Variants in CHD5 observed in about 807,000 individuals in gnomAD.
CHD5 encodes ATP-dependent chromatin remodeler CHD5.
A neutral mutation model predicts 230.3 loss-of-function variants in CHD5; 69 were observed. That is an observed-to-expected ratio of 0.30 (90% CI 0.25 to 0.37). CHD5 has a LOEUF of 0.37. Ranked by LOEUF, CHD5 falls within the 10% of genes least tolerant of loss-of-function variation. The pLI is 1.00. For missense variants in CHD5, 1,827 were observed against 2,622.8 expected, an observed-to-expected ratio of 0.70 and a Z score of 6.63; for synonymous variants, 1,064 against 1,065.9, an observed-to-expected ratio of 1.00 and a Z score of 0.03.
intron 1 of CHD5, among the ~76,000 whole-genome samples, chr1:6,176,951 T>G (rs1051930952): frequency 2.0e-4 from 30 of 152,154 alleles, no homozygotes; most frequent in African/African-American, 7.2e-4. Flanking sequence ...CCGCCCTGCC[T>G]TCCTCCTAGA....
chr1:6,134,406 G>C lies in CHD5; in HGVS notation c.3013-147C>G, dbSNP rs1666705757. On this transcript the variant is annotated intron_variant, in intron 19 of 41. Transcript: ENST00000262450. The surrounding 1 kb of genome is among the most constrained non-coding windows in gnomAD (Gnocchi z 6.3). ...GAACATGAGACCCACACCCGAGCCA[G>C]GCCAGGCCCCACAGTGCGGGGTAGA... is the stretch of plus-strand genomic sequence containing the variant. The C allele has an allele frequency of 9.4e-7, 1 of 1,059,578 alleles. No homozygotes were observed. The highest frequency in any genetic ancestry group is 1.4e-6 in the Non-Finnish European group (1 of 729,044). The allele number at this position is 1,059,578 out of a possible 1,614,324, so 65.6% of individuals were successfully genotyped here.
Position 6,106,702 on chromosome 1 carries a change from G to C in CHD5, c.5656C>G (p.Pro1886Ala). 2 of 1,611,924 alleles carry C rather than the reference G, an allele frequency of 1.2e-6. No individual in the cohort carries two copies. The highest frequency in any genetic ancestry group is 2.2e-5 in the South Asian group (2 of 90,946). Residue 1886 changes from proline (P) to alanine (A), a missense_variant, in exon 39 of 42, where the codon CCC becomes GCC. Coordinates refer to ENST00000262450, the MANE Select transcript of CHD5 (RefSeq NM_015557.3). ...TRLPSMLSRI[P>A]PVAARLQMSE... ...ATCTGCAGCCGGGCGGCCACCGGGG[G>C]GATGCGGGACAGCATGGATGGCAGC...
At chr1:6,138,073 C>T (rs1555143) in intron 15 of CHD5, among the ~76,000 whole-genome samples, 72 of 152,158 alleles carry the variant, frequency 4.7e-4, no homozygotes, top group Admixed American at 3.1e-3. Context: ...TGAAGGAACA[C>T]GACTTTAAAA....
intron 3 of CHD5, among the ~76,000 whole-genome samples, chr1:6,157,388 C>A (rs1264387357): frequency 6.6e-6 from 1 of 152,236 alleles, no homozygotes; most frequent in South Asian, 2.1e-4. Context: ...CTGGCCTGAG[C>A]CCAACACTGC....
Position 6,124,656 on chromosome 1 carries a change from T to C in CHD5, c.4400A>G (p.Tyr1467Cys). ...CAGGTGCCGCATGAAGAGGGACACA[T>C]AGGCTCTGGGGTGGGGGGGGGGGAC... ...RGKSEKEFRA[Y>C]VSLFMRHLCE... The change falls in exon 30 of 42, where the codon TAT becomes TGT. Residue 1467 changes from tyrosine to cysteine, a missense_variant. Coordinates refer to ENST00000262450, the MANE Select transcript of CHD5 (RefSeq NM_015557.3). The C allele has an allele frequency of 6.1e-6, 2 of 326,786 alleles. No individual in the cohort carries two copies. Among genetic ancestry groups the C allele is most frequent in the Non-Finnish European group, 1.1e-5 (2 of 188,056 alleles). 20.2% of individuals were successfully genotyped at this position (326,786 alleles called of 1,614,324 possible).
chr1:6,133,270 C>T (rs775453860), intron 20 of CHD5, among the ~76,000 whole-genome samples: 8 of 152,176 alleles, frequency 5.3e-5, no homozygotes, highest in Non-Finnish European at 7.3e-5. Context: ...GTGTTGGTAC[C>T]GAGGTACTGG....
At chr1:6,127,650 T>A (rs1469871719) in intron 25 of CHD5, among the ~76,000 whole-genome samples, 1 of 152,030 alleles carries the variant, frequency 6.6e-6, no homozygotes, top group Non-Finnish European at 1.5e-5. Flanking sequence ...CAGATCAGCT[T>A]GCACTTCAGA....
chr1:6,161,553 G>A (rs938489772), intron 2 of CHD5, among the ~76,000 whole-genome samples: 14 of 152,220 alleles, frequency 9.2e-5, no homozygotes, highest in Non-Finnish European at 1.8e-4. Context: ...CGGAACCCGG[G>A]TGTTTCCGGG....
Position 6,109,961 on chromosome 1 carries a change from C to T in CHD5, c.5412G>A (p.Glu1804=). Residue 1804 remains glutamate, a synonymous_variant, in exon 38 of 42, where the codon GAG becomes GAA. Coordinates refer to ENST00000262450, the MANE Select transcript of CHD5 (RefSeq NM_015557.3). ...TCAGGTACGCGGCCCTCCGGAGCTGCTCCTCAATGACCAACGCCTGCTCCA... is the reference window on the plus strand; with the variant it reads ...TCAGGTACGCGGCCCTCCGGAGCTGTTCCTCAATGACCAACGCCTGCTCCA... The part of the protein sequence containing the change: ...KLLEQALVIE[E]QLRRAAYLNM... 3.2e-6 allele frequency: 5 copies of T among 1,568,952 alleles called. No homozygotes were observed. Among genetic ancestry groups the T allele is most frequent in the South Asian group, 1.2e-5 (1 of 82,592 alleles).
intron 25 of CHD5, among the ~76,000 whole-genome samples, chr1:6,127,414 A>G (rs1233324779): frequency 6.6e-6 from 1 of 151,826 alleles, no homozygotes; most frequent in Non-Finnish European, 1.5e-5. Flanking sequence ...TAAACCTGGG[A>G]GGCGTTGGTT....
At chr1:6,174,269 G>A (rs775905322) in intron 1 of CHD5, among the ~76,000 whole-genome samples, 1 of 152,108 alleles carries the variant, frequency 6.6e-6, no homozygotes, top group Admixed American at 6.5e-5. Flanking sequence ...AGTGAAATAA[G>A]GACAGAGCCA....
chr1:6,148,851 C>CA lies in CHD5; in HGVS notation c.1383+2dup. Reference sequence around the variant, plus strand: ...TCCGGCGCGGGGCGGGCGGAACACTCACAGTACAGCGCGGGCAGAGCCATT... The same window carrying CA: ...TCCGGCGCGGGGCGGGCGGAACACTCAACAGTACAGCGCGGGCAGAGCCATT... On this transcript the variant is annotated splice_region_variant and intron_variant, in intron 9 of 41. Coordinates refer to ENST00000262450, the MANE Select transcript of CHD5 (RefSeq NM_015557.3). 1 of 1,524,212 alleles carries CA rather than the reference C, an allele frequency of 6.6e-7. No homozygotes were observed. Among genetic ancestry groups the CA allele is most frequent in the Non-Finnish European group, 8.8e-7 (1 of 1,132,902 alleles). The allele number at this position is 1,524,212 out of a possible 1,614,324, so 94.4% of individuals were successfully genotyped here. A position where few individuals can be genotyped will look rare whatever the true frequency, so the allele number is the denominator to read the frequency against.
At chr1:6,152,347 C>T in intron 6 of CHD5, 65 bp downstream of exon 6, 5 of 1,553,448 alleles carry the variant, frequency 3.2e-6, no homozygotes, top group African/African-American at 1.4e-5. Context: ...CTGGCCCTTG[C>T]GTGCTCATGT....
Position 6,124,547 on chromosome 1 carries a change from G to A in CHD5, c.4509C>T (p.Arg1503=), listed in dbSNP as rs371519130. The A allele has an allele frequency of 3.7e-6, 6 of 1,613,820 alleles. No homozygotes were observed. In the African/African-American group the frequency reaches 8.0e-5, roughly 22 times the overall value. Residue 1503 remains arginine (R), a synonymous_variant, in exon 30 of 42, where the codon CGC becomes CGT. Transcript: ENST00000262450. ...TCCTAACTAGTGACATGACCCCGAT[G>A]CGGGTCAGCACGTGCTGCCTGGAGA... The part of the protein sequence containing the change: ...EGLSRQHVLT[R]IGVMSLVRKK...
rs1667150300 is a variant in CHD5, at chr1:6,160,235, GGGCCCC to G, written c.208-726_208-721del. 2.1e-4 allele frequency among the ~76,000 whole-genome samples: 17 copies of G among 80,688 alleles called. 2 individuals carry two copies. The highest frequency in any genetic ancestry group is 1.1e-3 in the African/African-American group (14 of 12,440). The allele number at this position is 80,688 out of a possible 152,430, so 52.9% of individuals were successfully genotyped here. ...CCAGGGAAGGGCCCCAGCCAGAGAA[GGGCCCC>G]AGCCAGAGAAGGAGAGCCCCAGCCA... On this transcript the variant is annotated intron_variant, in intron 2 of 41. Transcript: ENST00000262450.
chr1:6,104,943 G>T lies in CHD5; in HGVS notation c.*531C>A. On this transcript the variant is annotated 3_prime_UTR_variant, in exon 42 of 42. Coordinates refer to ENST00000262450, the MANE Select transcript of CHD5 (RefSeq NM_015557.3). ...CAGAAGGGGCTGTCACACAGGTGCA[G>T]ACAGGTCAGGTAGGGGACACTGAGG... is the stretch of plus-strand genomic sequence containing the variant. 1 of 178,300 alleles carries T rather than the reference G, an allele frequency of 5.6e-6. No homozygotes were observed. Among genetic ancestry groups the T allele is most frequent in the Non-Finnish European group, 1.2e-5 (1 of 83,966 alleles). 11.0% of individuals were successfully genotyped at this position (178,300 alleles called of 1,614,324 possible).
Position 6,128,506 on chromosome 1 carries a change from G to A in CHD5, c.3723C>T (p.Thr1241=), listed in dbSNP as rs1225192547. 6.8e-6 allele frequency: 11 copies of A among 1,612,784 alleles called. No homozygotes were observed. The highest frequency in any genetic ancestry group is 9.3e-6 in the Non-Finnish European group (11 of 1,178,968). Residue 1241 remains threonine, a synonymous_variant, in exon 24 of 42, where the codon ACC becomes ACT. Coordinates refer to ENST00000262450, the MANE Select transcript of CHD5 (RefSeq NM_015557.3). The surrounding 1 kb of genome is among the most constrained non-coding windows in gnomAD (Gnocchi z 7.8). ...GGCTGGGTTGGCCCCTACCTGGCGG[G>A]GTGCTACCGTGCTTCTTCTTTGCAC... ...AASAKKKHGS[T]PPGDNKDVED...
chr1:6,168,253 G>T lies in CHD5; in HGVS notation c.104C>A (p.Ala35Asp), dbSNP rs377478068. The change falls in exon 2 of 42, where the codon GCC becomes GAC. Residue 35 changes from alanine to aspartate, a missense_variant. Physicochemically the swap from Ala to Asp is moderately radical, Grantham distance 126 (BLOSUM62 -2). This residue lies in a region of CHD5 where 113 missense variants were observed against 91.9 expected (regional missense o/e 1.23). Coordinates refer to ENST00000262450, the MANE Select transcript of CHD5 (RefSeq NM_015557.3). The part of the protein sequence containing the change: ...MSEEEDGGLE[A>D]FDDFFPVEPV... The stretch of plus-strand genomic sequence containing the variant: ...CTCCACAGGGAAAAAGTCATCGAAG[G>T]CTTCAAGACCACCATCTTCTTCTTC... The T allele has an allele frequency of 1.2e-6, 2 of 1,606,408 alleles. No individual in the cohort carries two copies. The highest frequency in any genetic ancestry group is 2.2e-5 in the East Asian group (1 of 44,672).
chr1:6,135,095 A>G, intron 18 of CHD5, 135 bp downstream of exon 18: 1 of 1,100,166 alleles, frequency 9.1e-7, no homozygotes, highest in East Asian at 2.4e-5. Flanking sequence ...GGCCCCACGA[A>G]GAAAGTGTAT....
Sources: gnomAD v4.1 joint callset for allele counts (sites outside exome capture counted in the v4.1 genomes callset) on GRCh38, gnomAD v4.1.1 for gene constraint, gnomAD v4.1.1 regional missense constraint, Gnocchi (gnomAD v3.1) non-coding constraint, MANE v1.5 for transcripts, NCBI Gene and HGNC (gene_info 2026-07-23, HGNC 2026-07-21) for gene names.